The following IGBP1C variants were observed in gnomAD, a reference collection of about 807,000 sequenced individuals.
IGBP1C encodes the protein IGBP1 family member C, also known as immunoglobulin-binding protein 1 family member C.
chr17:58,668,683 G>A, the IGBP1C span, among the ~76,000 whole-genome samples: 1 of 152,146 alleles, frequency 6.6e-6, no homozygotes, highest in Non-Finnish European at 1.5e-5. Context: ...TCCCCAGAGA[G>A]GACTTCTTTT....
chr17:58,660,920 C>T, the IGBP1C span: 1 of 897,812 alleles, frequency 1.1e-6, no homozygotes, highest in Non-Finnish European at 1.9e-6. Flanking sequence ...GGATGCCTCT[C>T]TTGAAGAGTC....
the IGBP1C span, among the ~76,000 whole-genome samples, chr17:58,687,710 C>T: frequency 2.6e-5 from 4 of 152,096 alleles, no homozygotes; most frequent in African/African-American, 9.7e-5. Context: ...ACAAAAATTT[C>T]ATATTATTCC....
At chr17:58,674,798 G>A in the IGBP1C span, among the ~76,000 whole-genome samples, 21,847 of 148,264 alleles carry the variant, frequency 0.15, 2,471 homozygotes, top group East Asian at 0.32. Context: ...TCAATAAAGT[G>A]GTTAAAAAAA....
the IGBP1C span, chr17:58,661,809 T>C: frequency 1.2e-5 from 6 of 488,318 alleles, no homozygotes; most frequent in African/African-American, 1.2e-4. Context: ...TCGTCAAACT[T>C]TGTCTCTCTG....
chr17:58,673,380 G>A, the IGBP1C span, among the ~76,000 whole-genome samples: 2 of 151,792 alleles, frequency 1.3e-5, no homozygotes, highest in Admixed American at 6.6e-5. Flanking sequence ...CTACTCAGGA[G>A]GCTGAGGCAG....
the IGBP1C span, among the ~76,000 whole-genome samples, chr17:58,683,200 C>T: frequency 1.7e-4 from 25 of 151,338 alleles, no homozygotes; most frequent in African/African-American, 6.1e-4. Flanking sequence ...TAGCAAAACC[C>T]CATCTCTACT....
the IGBP1C span, among the ~76,000 whole-genome samples, chr17:58,669,691 G>A: frequency 7.7e-6 from 1 of 129,574 alleles, no homozygotes; most frequent in Non-Finnish European, 1.5e-5. Context: ...CTGAGATCAC[G>A]CCACTGCACT....
chr17:58,674,619 G>A, the IGBP1C span, among the ~76,000 whole-genome samples: 2 of 151,940 alleles, frequency 1.3e-5, no homozygotes, highest in South Asian at 2.1e-4. Context: ...GCAGTGAGCC[G>A]AGATCCTGCC....
chr17:58,669,934 C>A, the IGBP1C span, among the ~76,000 whole-genome samples: 1 of 152,162 alleles, frequency 6.6e-6, no homozygotes, highest in Admixed American at 6.5e-5. Flanking sequence ...CCATCCCACG[C>A]TCCTTGAGGC....
At chr17:58,663,887 C>T in the IGBP1C span, among the ~76,000 whole-genome samples, 1 of 152,178 alleles carries the variant, frequency 6.6e-6, no homozygotes, top group Non-Finnish European at 1.5e-5. Flanking sequence ...ACCATACTAA[C>T]TCTATTTAGG....
the IGBP1C span, among the ~76,000 whole-genome samples, chr17:58,676,564 CA>C: frequency 2.6e-5 from 4 of 151,866 alleles, no homozygotes; most frequent in Non-Finnish European, 5.9e-5. Flanking sequence ...CCATCTCAAA[CA>C]AAAGAAAACA....
chr17:58,667,490 C>T, the IGBP1C span, among the ~76,000 whole-genome samples: 1 of 152,294 alleles, frequency 6.6e-6, no homozygotes, highest in Middle Eastern at 3.4e-3. Context: ...CTAACATCTA[C>T]TGTTTACCAT....
the IGBP1C span, among the ~76,000 whole-genome samples, chr17:58,688,766 T>C: frequency 3.3e-5 from 5 of 152,110 alleles, no homozygotes; most frequent in Non-Finnish European, 7.4e-5. Flanking sequence ...AATTTTTTCA[T>C]GAAGTAACCT....
the IGBP1C span, among the ~76,000 whole-genome samples, chr17:58,670,203 T>C: frequency 6.6e-6 from 1 of 152,220 alleles, no homozygotes; most frequent in Non-Finnish European, 1.5e-5. Context: ...ATTATTCCAC[T>C]GTGTGATTAT....
the IGBP1C span, among the ~76,000 whole-genome samples, chr17:58,665,497 G>A: frequency 2.6e-5 from 4 of 152,148 alleles, 1 homozygote; most frequent in Middle Eastern, 6.8e-3. Context: ...CTCTGAGGCT[G>A]AGGCATGAGA....
the IGBP1C span, among the ~76,000 whole-genome samples, chr17:58,665,527 C>T: frequency 6.6e-5 from 10 of 151,836 alleles, no homozygotes; most frequent in African/African-American, 1.7e-4. Flanking sequence ...ACCTGGGAGG[C>T]GGAGGTTGCA....
the IGBP1C span, among the ~76,000 whole-genome samples, chr17:58,671,267 C>G: frequency 2.0e-5 from 3 of 152,202 alleles, no homozygotes; most frequent in Middle Eastern, 6.8e-3. Context: ...TTGTTTCTGC[C>G]TGGTGCTGGG....
chr17:58,691,014 C>T, the IGBP1C span, among the ~76,000 whole-genome samples: 20 of 152,024 alleles, frequency 1.3e-4, no homozygotes, highest in African/African-American at 1.4e-4. Flanking sequence ...CCACCATGCC[C>T]GGCTAATTTT....
At chr17:58,686,566 C>A in the IGBP1C span, among the ~76,000 whole-genome samples, 1 of 152,058 alleles carries the variant, frequency 6.6e-6, no homozygotes, top group African/African-American at 2.4e-5. Context: ...GGAGGATGTG[C>A]TTGCAAAGCA....
Sources: allele counts gnomAD v4.1 joint callset (sites outside exome capture counted in the v4.1 genomes callset), GRCh38; gene constraint gnomAD v4.1.1; transcripts MANE v1.5; gene names NCBI Gene and HGNC (gene_info 2026-07-23, HGNC 2026-07-21).